TRAPPC10: variants seen among roughly 807,000 people sequenced by gnomAD.
The protein encoded by TRAPPC10 is trafficking protein particle complex subunit 10, also known as TRAPP 130 kDa subunit.
A neutral mutation model predicts 125.5 loss-of-function variants in TRAPPC10; 23 were observed. The ratio of observed to expected loss-of-function variants is 0.18; its 90% confidence interval spans 0.13 to 0.26. The LOEUF (loss-of-function observed/expected upper bound fraction) is 0.26, where lower values mean the gene tolerates loss of function less well. Ranked by LOEUF, TRAPPC10 falls within the 10% of genes least tolerant of loss-of-function variation. TRAPPC10 has a pLI of 1.00. For missense variants in TRAPPC10, 1,123 were observed against 1,308.4 expected (o/e 0.86, Z 2.19); for synonymous variants, 509 against 518.0 (o/e 0.98, Z 0.24).
At chr21:44,044,314 G>GT (rs1387207205) in intron 3 of TRAPPC10, among the ~76,000 whole-genome samples, 2 of 125,370 alleles carry the variant, frequency 1.6e-5, no homozygotes, top group South Asian at 5.1e-4. Flanking sequence ...CATTCTAATA[G>GT]CCTTTTTTTT....
rs1601700475 is a variant in TRAPPC10, at chr21:44,059,754, A to T, written c.790+540A>T. On this transcript the variant is annotated intron_variant, in intron 6 of 22. Transcript: ENST00000291574. This position sits in a 1 kb window ranked among gnomAD's most constrained non-coding sequence, Gnocchi z 4.4. ...GTGTTTTTCGCTGATACTTATTTTG[A>T]TGAAAGTGATACCACGTTATATAGC... is the stretch of plus-strand genomic sequence containing the variant. 2.2e-6 allele frequency: 1 copy of T among 455,526 alleles called. No individual in the cohort carries two copies. Among genetic ancestry groups the T allele is most frequent in the South Asian group, 5.5e-5 (1 of 18,162 alleles). The allele number at this position is 455,526 out of a possible 1,614,324, so 28.2% of individuals were successfully genotyped here. A position where few individuals can be genotyped will look rare whatever the true frequency, so the allele number is the denominator to read the frequency against.
intron 2 of TRAPPC10, among the ~76,000 whole-genome samples, chr21:44,034,918 G>C (rs2033879600): frequency 6.6e-6 from 1 of 152,064 alleles, no homozygotes; most frequent in Non-Finnish European, 1.5e-5. Context: ...TCCCACTGCA[G>C]CCAGAGGGAA....
chr21:44,046,842 C>T, intron 3 of TRAPPC10: 1 of 677,938 alleles, frequency 1.5e-6, no homozygotes, highest in Non-Finnish European at 2.7e-6. Context: ...CCTGCCAGTT[C>T]AAGTCCCTCT....
At chr21:44,028,540 C>G (rs1182117004) in intron 1 of TRAPPC10, among the ~76,000 whole-genome samples, 2 of 152,182 alleles carry the variant, frequency 1.3e-5, no homozygotes, top group African/African-American at 4.8e-5. Context: ...GCTTCCTGAC[C>G]TGCCGCACCC....
chr21:44,013,903 G>A (rs1164688215), intron 1 of TRAPPC10, among the ~76,000 whole-genome samples: 1 of 152,264 alleles, frequency 6.6e-6, no homozygotes, highest in Non-Finnish European at 1.5e-5. Context: ...CCAGAGGGCA[G>A]ATGTGGGTAG....
intron 3 of TRAPPC10, among the ~76,000 whole-genome samples, chr21:44,051,820 G>T (rs1569169213): frequency 6.6e-6 from 1 of 152,232 alleles, no homozygotes; most frequent in Admixed American, 6.5e-5. Context: ...CTTGCCTGGG[G>T]TTCCTGTGGG....
intron 17 of TRAPPC10, 126 bp downstream of exon 17, chr21:44,088,054 G>T (rs1342890038): frequency 2.9e-5 from 23 of 788,650 alleles, no homozygotes; most frequent in Non-Finnish European, 3.9e-5. Flanking sequence ...CCCTGGGCAT[G>T]TGTTTAGCAG....
chr21:44,091,231 A>G (rs751564318), intron 18 of TRAPPC10, among the ~76,000 whole-genome samples: 1 of 152,170 alleles, frequency 6.6e-6, no homozygotes, highest in Non-Finnish European at 1.5e-5. Context: ...AAAGTTTTGC[A>G]TGTAATGGAA....
intron 7 of TRAPPC10, among the ~76,000 whole-genome samples, chr21:44,066,887 T>C (rs150810799): frequency 6.8e-4 from 104 of 152,342 alleles, no homozygotes; most frequent in Middle Eastern, 3.4e-3. Flanking sequence ...GTCATGCTAG[T>C]GATGCCTGTT....
At chr21:44,039,720 C>G (rs923905395) in intron 3 of TRAPPC10, among the ~76,000 whole-genome samples, 4 of 152,170 alleles carry the variant, frequency 2.6e-5, no homozygotes, top group Admixed American at 6.5e-5. Context: ...CAAAAATTAG[C>G]TGGGCGTGGT....
intron 3 of TRAPPC10, among the ~76,000 whole-genome samples, chr21:44,045,681 A>G (rs917401188): frequency 1.3e-5 from 2 of 151,726 alleles, no homozygotes; most frequent in Non-Finnish European, 2.9e-5. Flanking sequence ...CCTCCTGAGT[A>G]GCTGGGATTA....
Position 44,075,084 on chromosome 21 carries a change from C to T in TRAPPC10, c.1231C>T (p.Pro411Ser), listed in dbSNP as rs1273446255. 1 of 1,613,994 alleles carries T rather than the reference C, an allele frequency of 6.2e-7. No homozygotes were observed. The highest frequency in any genetic ancestry group is 1.3e-5 in the African/African-American group (1 of 74,900). The change falls in exon 9 of 23, where the codon CCT (proline) becomes TCT (serine). Residue 411 changes from proline to serine, a missense_variant. Transcript: ENST00000291574. ...ATGTGGACTTGTGTCAGAGAAAGGA[C>T]CTAACTCAGAAGATCTCAACAGGAC... The part of the protein sequence containing the change: ...YLCGLVSEKG[P>S]NSEDLNRTVD...
intron 3 of TRAPPC10, among the ~76,000 whole-genome samples, chr21:44,047,565 T>TGTGTGTGTGC (rs954810521): frequency 8.1e-4 from 119 of 147,194 alleles, no homozygotes; most frequent in East Asian, 4.7e-3. Context: ...TGTGTGTGTG[T>TGTGTGTGTGC]GCGCGCACAC....
chr21:44,074,951 G>A (rs2037164588), intron 8 of TRAPPC10, 88 bp from the exon 9 acceptor site: 1 of 992,872 alleles, frequency 1.0e-6, no homozygotes, highest in African/African-American at 1.6e-5. Context: ...CTAGAATTTA[G>A]CTGGATTTGA....
chr21:44,080,150 G>C, intron 13 of TRAPPC10, 23 bp downstream of exon 13: 2 of 1,581,940 alleles, frequency 1.3e-6, no homozygotes, highest in South Asian at 1.1e-5. Context: ...CTTACAACTT[G>C]ACTAGGAATA....
intron 1 of TRAPPC10, among the ~76,000 whole-genome samples, chr21:44,022,229 T>G (rs2032591520): frequency 6.7e-6 from 1 of 149,764 alleles, no homozygotes; most frequent in Non-Finnish European, 1.5e-5. Flanking sequence ...CTGCCTCAGC[T>G]TCCCAAGTAG....
At chr21:44,031,978 T>C (rs1002553770) in intron 1 of TRAPPC10, 113 bp from the exon 2 acceptor site, 5 of 827,374 alleles carry the variant, frequency 6.0e-6, no homozygotes, top group South Asian at 1.6e-5. Flanking sequence ...TCTTGCGATA[T>C]CGCTTTACTA....
chr21:44,022,195 G>A (rs1296716129), intron 1 of TRAPPC10, among the ~76,000 whole-genome samples: 2 of 151,390 alleles, frequency 1.3e-5, no homozygotes, highest in African/African-American at 2.4e-5. Context: ...TGCAACCTCC[G>A]CCTCTCGGGT....
At chr21:44,021,939 A>C (rs974431927) in intron 1 of TRAPPC10, among the ~76,000 whole-genome samples, 2 of 151,982 alleles carry the variant, frequency 1.3e-5, no homozygotes. Flanking sequence ...GAGAAAATAC[A>C]TTGCGATTTT....
Sources: allele counts gnomAD v4.1 joint callset (sites outside exome capture counted in the v4.1 genomes callset), GRCh38; gene constraint gnomAD v4.1.1; non-coding constraint Gnocchi (gnomAD v3.1); transcripts MANE v1.5; gene names NCBI Gene and HGNC (gene_info 2026-07-23, HGNC 2026-07-21).